MNAT1: variants seen among roughly 807,000 people sequenced by gnomAD.
MNAT1 encodes the protein CDK-activating kinase assembly factor MAT1.
In MNAT1, 43 loss-of-function variants were observed where a neutral mutation model predicts 42.0. The observed-to-expected ratio is 1.02, with a 90% CI of 0.80 to 1.32. The LOEUF is 1.32. MNAT1 is among the 40% of genes most tolerant of loss of function. MNAT1 has a pLI of 0.00. For missense variants in MNAT1, 306 were observed against 350.4 expected (o/e 0.87, Z 1.01); for synonymous variants, 118 against 120.0 (o/e 0.98, Z 0.11).
At chr14:60,964,772 G>T (rs1271286261) in intron 7 of MNAT1, among the ~76,000 whole-genome samples, 1 of 152,162 alleles carries the variant, frequency 6.6e-6, no homozygotes, top group African/African-American at 2.4e-5. Flanking sequence ...ATCCTGTTCA[G>T]TGATGTACTT....
At chr14:60,921,553 GTGGCAC>G (rs1351911323) in intron 7 of MNAT1, among the ~76,000 whole-genome samples, 2 of 151,994 alleles carry the variant, frequency 1.3e-5, no homozygotes, top group African/African-American at 2.4e-5. Flanking sequence ...CTGCTTTGGA[GTGGCAC>G]TGTCTTAAGT....
chr14:60,881,529 G>A lies in MNAT1; in HGVS notation c.809+1694G>A, dbSNP rs1167938074. 4.0e-5 allele frequency among the ~76,000 whole-genome samples: 6 copies of A among 151,810 alleles called. No homozygotes were observed. In the East Asian group the frequency reaches 1.2e-3, roughly 29 times the overall value. ...ATTCAGTTTGCTGGTGTTTTGTCAG[G>A]GATTCTTGCATTAGTGTTCATAAAG... On this transcript the variant is annotated intron_variant, in intron 7 of 7. Transcript: ENST00000261245.
At chr14:60,886,182 G>A (rs1373891779) in intron 7 of MNAT1, among the ~76,000 whole-genome samples, 1 of 151,918 alleles carries the variant, frequency 6.6e-6, no homozygotes, top group African/African-American at 2.4e-5. Context: ...AGCAAATTTG[G>A]TGTTTCCAAC....
At chr14:60,923,771 G>C (rs373002821) in intron 7 of MNAT1, among the ~76,000 whole-genome samples, 4 of 152,128 alleles carry the variant, frequency 2.6e-5, no homozygotes, top group African/African-American at 9.7e-5. Context: ...TTGAGGCCAG[G>C]AGTTTGAGAC....
At chr14:60,905,726 A>G (rs2035182735) in intron 7 of MNAT1, among the ~76,000 whole-genome samples, 1 of 152,212 alleles carries the variant, frequency 6.6e-6, no homozygotes, top group African/African-American at 2.4e-5. Flanking sequence ...TAAATGTCCC[A>G]GCTCCAGAAG....
chr14:60,920,336 C>T (rs758253151), intron 7 of MNAT1, among the ~76,000 whole-genome samples: 9 of 152,302 alleles, frequency 5.9e-5, no homozygotes, highest in Non-Finnish European at 1.3e-4. Flanking sequence ...TGCATCTTTA[C>T]ACTCTTATGA....
chr14:60,959,325 G>A (rs2036546433), intron 7 of MNAT1, among the ~76,000 whole-genome samples: 1 of 152,204 alleles, frequency 6.6e-6, no homozygotes, highest in African/African-American at 2.4e-5. Flanking sequence ...GGAATCCTGT[G>A]CAGAGCAGGC....
intron 7 of MNAT1, among the ~76,000 whole-genome samples, chr14:60,938,148 G>C (rs1275180312): frequency 6.6e-6 from 1 of 152,164 alleles, no homozygotes; most frequent in Non-Finnish European, 1.5e-5. Flanking sequence ...GGATTTTCTA[G>C]ATATACAATC....
At chr14:60,869,483 A>G (rs2034282124) in intron 6 of MNAT1, among the ~76,000 whole-genome samples, 1 of 152,294 alleles carries the variant, frequency 6.6e-6, no homozygotes, top group South Asian at 2.1e-4. Context: ...TTCAAAACAG[A>G]CAATTACACA....
intron 6 of MNAT1, among the ~76,000 whole-genome samples, chr14:60,863,026 T>G (rs940120868): frequency 6.6e-6 from 1 of 152,074 alleles, no homozygotes; most frequent in Non-Finnish European, 1.5e-5. Flanking sequence ...CAAGTCATAT[T>G]TATCTTGAGT....
chr14:60,841,945 A>G (rs1365113278), intron 6 of MNAT1, among the ~76,000 whole-genome samples: 2 of 152,122 alleles, frequency 1.3e-5, no homozygotes, highest in Non-Finnish European at 2.9e-5. Context: ...AGCTTTGAGA[A>G]TTGTTTAATA....
intron 1 of MNAT1, among the ~76,000 whole-genome samples, chr14:60,739,223 A>G (rs183482905): frequency 5.3e-5 from 8 of 152,254 alleles, no homozygotes; most frequent in African/African-American, 1.9e-4. Flanking sequence ...AGGGAACTGG[A>G]AGCTGTAGAG....
intron 3 of MNAT1, chr14:60,799,148 C>A: frequency 1.5e-6 from 1 of 682,416 alleles, no homozygotes; most frequent in Non-Finnish European, 1.8e-6. Context: ...TATGCCATAG[C>A]AAAAGCATGT....
intron 7 of MNAT1, among the ~76,000 whole-genome samples, chr14:60,922,803 A>C (rs2139555776): frequency 6.6e-6 from 1 of 152,332 alleles, no homozygotes; most frequent in Middle Eastern, 3.4e-3. Flanking sequence ...TCAGTAGTTC[A>C]GAAATTTGGA....
intron 7 of MNAT1, among the ~76,000 whole-genome samples, chr14:60,900,058 C>CTCTG (rs1345608159): frequency 1.4e-5 from 2 of 140,684 alleles, no homozygotes; most frequent in African/African-American, 2.5e-5. Context: ...ATCTCTCTCT[C>CTCTG]TCTCTCTCTC....
In MNAT1 at chr14:60,842,328, A is replaced by T. The variant is rs1048154743; in HGVS notation, c.687+23481A>T. Among the ~76,000 whole-genome samples, 12 of 152,096 alleles carry T rather than the reference A, an allele frequency of 7.9e-5. 1 individual carries two copies. Among genetic ancestry groups the T allele is most frequent in the Admixed American group, 7.2e-4 (11 of 15,276 alleles). On this transcript the variant is annotated intron_variant, in intron 6 of 7. Coordinates refer to ENST00000261245, the MANE Select transcript of MNAT1 (RefSeq NM_002431.4). ...TTCCTCTCTGGTAATCTGCCCTGCA[A>T]ATTATAGCTGCCCTGGGATCCCTGA...
At chr14:60,869,040 A>ATATATATATATTTTTTTTT (rs1465360826) in intron 6 of MNAT1, among the ~76,000 whole-genome samples, 1 of 113,054 alleles carries the variant, frequency 8.8e-6, no homozygotes, top group African/African-American at 3.4e-5. Context: ...ATATATATAT[A>ATATATATATATTTTTTTTT]TTTTTTTTTT....
intron 7 of MNAT1, among the ~76,000 whole-genome samples, chr14:60,898,413 T>C (rs2035006404): frequency 6.6e-6 from 1 of 152,100 alleles, no homozygotes; most frequent in Non-Finnish European, 1.5e-5. Context: ...TCTGTATCCT[T>C]ACCAGCATGT....
intron 7 of MNAT1, among the ~76,000 whole-genome samples, chr14:60,952,879 G>A (rs1056154454): frequency 6.6e-6 from 1 of 152,052 alleles, no homozygotes; most frequent in African/African-American, 2.4e-5. Context: ...AAGAAAATTA[G>A]TAATTAGGAA....
Sources: allele counts gnomAD v4.1 joint callset (sites outside exome capture counted in the v4.1 genomes callset), GRCh38; gene constraint gnomAD v4.1.1; transcripts MANE v1.5; gene names NCBI Gene and HGNC (gene_info 2026-07-23, HGNC 2026-07-21).